The following MARCHF1 variants were observed in gnomAD, a reference collection of about 807,000 sequenced individuals.
MARCHF1 encodes membrane associated ring-CH-type finger 1.
A neutral mutation model predicts 54.2 loss-of-function variants in MARCHF1; 40 were observed. The ratio of observed to expected loss-of-function variants is 0.74; its 90% CI spans 0.57 to 0.96. The LOEUF (loss-of-function observed/expected upper bound fraction) is 0.96. MARCHF1 is among the 40% of genes least tolerant of loss of function. The pLI, the probability that MARCHF1 is intolerant of heterozygous loss-of-function variation, is 0.00. For synonymous variants in MARCHF1, 236 were observed against 236.3 expected (o/e 1.00, Z 0.01); for missense variants, 586 against 656.5 (o/e 0.89, Z 1.17).
chr4:163,539,760 A>C (rs1261634832), intron 9 of MARCHF1, among the ~76,000 whole-genome samples: 1 of 152,262 alleles, frequency 6.6e-6, no homozygotes, highest in African/African-American at 2.4e-5. Flanking sequence ...CCATCAAAAA[A>C]TAAACTAAAA....
chr4:164,025,756 C>A (rs1753754870), intron 2 of MARCHF1, among the ~76,000 whole-genome samples: 2 of 149,034 alleles, frequency 1.3e-5, no homozygotes, highest in Admixed American at 6.7e-5. Context: ...AATTGAGAGG[C>A]AAAAATCCAT....
At chr4:164,095,983 A>C (rs1220778305) in intron 2 of MARCHF1, among the ~76,000 whole-genome samples, 1 of 152,172 alleles carries the variant, frequency 6.6e-6, no homozygotes, top group Non-Finnish European at 1.5e-5. Context: ...TGGCTTTGTT[A>C]AGCCACTGTG....
chr4:163,668,822 A>C (rs1028378059), intron 5 of MARCHF1, among the ~76,000 whole-genome samples: 2 of 152,184 alleles, frequency 1.3e-5, no homozygotes, highest in Admixed American at 1.3e-4. Flanking sequence ...CCTACTGCTA[A>C]GTGAGAGACC....
At chr4:164,299,642 G>C (rs1734499161) in intron 1 of MARCHF1, among the ~76,000 whole-genome samples, 1 of 152,076 alleles carries the variant, frequency 6.6e-6, no homozygotes, top group East Asian at 1.9e-4. Flanking sequence ...TATTCCATTT[G>C]GTGAAACTGA....
chr4:164,217,777 G>A (rs1337778066), intron 1 of MARCHF1, among the ~76,000 whole-genome samples: 2 of 152,132 alleles, frequency 1.3e-5, no homozygotes, highest in Non-Finnish European at 2.9e-5. Context: ...AGCCTAAAAG[G>A]TGCTCCCCAC....
intron 1 of MARCHF1, among the ~76,000 whole-genome samples, chr4:164,349,613 AG>A: frequency 6.6e-6 from 1 of 152,204 alleles, no homozygotes; most frequent in Non-Finnish European, 1.5e-5. Flanking sequence ...AATTTTAGAG[AG>A]TAAAAGTTTT....
chr4:164,171,962 C>T lies in MARCHF1; in HGVS notation c.-322-60300G>A, dbSNP rs182284603. Among the ~76,000 whole-genome samples the T allele has an allele frequency of 2.2e-3, 336 of 152,188 alleles. 2 individuals are homozygous for T. The highest frequency in any genetic ancestry group is 2.4e-3 in the Non-Finnish European group (163 of 68,020). ...CTGTTGGGTAAAATGTATAGTTGAGCGCTGTCCTTCTGGCTGGCACCCAGG... is the reference window on the plus strand; with the variant it reads ...CTGTTGGGTAAAATGTATAGTTGAGTGCTGTCCTTCTGGCTGGCACCCAGG... On this transcript the variant is annotated intron_variant, in intron 1 of 9. Transcript: ENST00000514618.
At chr4:164,350,703 A>C (rs1344399848) in intron 1 of MARCHF1, among the ~76,000 whole-genome samples, 1 of 152,238 alleles carries the variant, frequency 6.6e-6, no homozygotes, top group African/African-American at 2.4e-5. Context: ...GCATAGTACA[A>C]TGTTACCTTT....
At chr4:163,799,991 A>G (rs759847164) in intron 4 of MARCHF1, among the ~76,000 whole-genome samples, 1 of 152,130 alleles carries the variant, frequency 6.6e-6, no homozygotes, top group Non-Finnish European at 1.5e-5. Context: ...GCAGTAATAC[A>G]TATGCAGCCG....
rs979555819 is a variant in MARCHF1, at chr4:163,577,862, G to A, written c.1191+7887C>T. Among the ~76,000 whole-genome samples, 5 of 151,544 alleles carry A rather than the reference G, an allele frequency of 3.3e-5. No individual in the cohort carries two copies. In the South Asian group the frequency reaches 8.3e-4, roughly 25 times the overall value. On this transcript the variant is annotated intron_variant, in intron 8 of 9. Coordinates refer to ENST00000514618, the MANE Select transcript of MARCHF1 (RefSeq NM_001394959.1). ...GCTCTGAAATTCTTTCTTCTGCTTG[G>A]TTATTAATATAGCTTTCAATTGCAT...
At chr4:163,986,289 G>A (rs1197338698) in intron 3 of MARCHF1, among the ~76,000 whole-genome samples, 2 of 27,908 alleles carry the variant, frequency 7.2e-5, no homozygotes, top group African/African-American at 1.7e-4. Flanking sequence ...TTGAGATGGA[G>A]TGTCTCGCTC....
rs1750748302 is a variant in MARCHF1, at chr4:163,894,689, G to GCA, written c.-38-40522_-38-40521dup. ...TGTGATGCATATATATGCATGTGAT[G>GCA]CATATATATATGCATGTGATGCATA... On this transcript the variant is annotated intron_variant, in intron 3 of 9. Transcript: ENST00000514618. 7.0e-5 allele frequency among the ~76,000 whole-genome samples: 2 copies of GCA among 28,386 alleles called. 1 individual carries two copies. The highest frequency in any genetic ancestry group is 2.7e-4 in the African/African-American group (2 of 7,502). The allele number at this position is 28,386 out of a possible 152,430, so 18.6% of individuals were successfully genotyped here. A position where few individuals can be genotyped will look rare whatever the true frequency, so the allele number is the denominator to read the frequency against.
Position 163,608,282 on chromosome 4 carries a change from C to T in MARCHF1, c.1010+3989G>A, listed in dbSNP as rs192678599. Among the ~76,000 whole-genome samples, 878 of 152,076 alleles carry T rather than the reference C, an allele frequency of 5.8e-3. 6 individuals are homozygous for T. The highest frequency in any genetic ancestry group is 0.035 in the South Asian group (168 of 4,816). ...TTTAAACTGAGAAAGAATAGGAAGTCGTCTGGAGAAGATCCAAGGAGGTAA... is the reference window on the plus strand; with the variant it reads ...TTTAAACTGAGAAAGAATAGGAAGTTGTCTGGAGAAGATCCAAGGAGGTAA... On this transcript the variant is annotated intron_variant, in intron 7 of 9. Transcript: ENST00000514618.
intron 8 of MARCHF1, chr4:163,555,926 C>G (rs1183408552): frequency 2.2e-6 from 1 of 456,220 alleles, no homozygotes; most frequent in Admixed American, 2.3e-5. Context: ...TGATCATAGC[C>G]TTGCCGTTTA....
At chr4:164,106,689 C>T (rs539781235) in intron 2 of MARCHF1, among the ~76,000 whole-genome samples, 71 of 147,512 alleles carry the variant, frequency 4.8e-4, no homozygotes, top group African/African-American at 1.6e-3. Context: ...GTGGGTGCAG[C>T]GCACCAGCAT....
chr4:163,572,201 T>C (rs1713884211), intron 8 of MARCHF1, among the ~76,000 whole-genome samples: 1 of 152,232 alleles, frequency 6.6e-6, no homozygotes, highest in African/African-American at 2.4e-5. Flanking sequence ...CTCCCCTTCT[T>C]ATTCAGCATC....
chr4:164,161,158 A>C (rs1352604379), intron 1 of MARCHF1, among the ~76,000 whole-genome samples: 1 of 152,114 alleles, frequency 6.6e-6, no homozygotes, highest in East Asian at 1.9e-4. Context: ...ATTTCTCATT[A>C]ATGGCTTAGC....
intron 2 of MARCHF1, among the ~76,000 whole-genome samples, chr4:164,079,471 T>G (rs1202046760): frequency 6.6e-6 from 1 of 152,158 alleles, no homozygotes; most frequent in Non-Finnish European, 1.5e-5. Context: ...AATATGTGCA[T>G]TTTCTTTATT....
At chr4:163,839,147 C>A (rs1749269030) in intron 4 of MARCHF1, among the ~76,000 whole-genome samples, 1 of 151,882 alleles carries the variant, frequency 6.6e-6, no homozygotes, top group Admixed American at 6.6e-5. Context: ...GCAGAGAAAT[C>A]AAAATCAAAA....
Sources: allele counts gnomAD v4.1 joint callset (sites outside exome capture counted in the v4.1 genomes callset), GRCh38; gene constraint gnomAD v4.1.1; transcripts MANE v1.5; gene names NCBI Gene and HGNC (gene_info 2026-07-23, HGNC 2026-07-21).